Variants in CYBC1 observed in about 807,000 individuals in gnomAD.
The protein encoded by CYBC1 is essential for reactive oxygen species protein.
A neutral mutation model predicts 21.7 loss-of-function variants in CYBC1; 22 were observed. The observed-to-expected ratio is 1.02, with a 90% confidence interval of 0.73 to 1.45. CYBC1 has a LOEUF of 1.45. CYBC1 is among the 40% of genes most tolerant of loss of function. CYBC1 has a pLI of 0.00. For missense variants in CYBC1, 237 were observed against 242.1 expected (o/e 0.98, Z 0.14); for synonymous variants, 112 against 98.7 (o/e 1.13, Z -0.80).
At chr17:82,445,629 G>T in intron 5 of CYBC1, 1 of 460,048 alleles carries the variant, frequency 2.2e-6, no homozygotes, top group Non-Finnish European at 3.9e-6. Flanking sequence ...TCTCCCCAGG[G>T]GCCAAACCTC....
Position 82,444,521 on chromosome 17 carries a change from G to A in CYBC1, c.369C>T (p.Gly123=), listed in dbSNP as rs960259529. Residue 123 remains glycine (G), a synonymous_variant, in exon 6 of 7, where the codon GGC becomes GGT. Transcript: ENST00000306645. Reference sequence around the variant, plus strand: ...TCGCAAGCCGGAGCACCACCATGTAGCCTTTCCCGAAGTACCGGACCTTCT... The same window carrying A: ...TCGCAAGCCGGAGCACCACCATGTAACCTTTCCCGAAGTACCGGACCTTCT... ...EEEKVRYFGK[G]YMVVLRLATG... is the part of the protein sequence containing the mutation. 6.2e-7 allele frequency: 1 copy of A among 1,614,100 alleles called. No homozygotes were observed. The highest frequency in any genetic ancestry group is 1.3e-5 in the African/African-American group (1 of 75,068).
At chr17:82,448,249 T>G (rs1199809571) in intron 2 of CYBC1, 1 of 187,068 alleles carries the variant, frequency 5.3e-6, no homozygotes, top group Non-Finnish European at 1.1e-5. Flanking sequence ...GGAGGCTAAG[T>G]GGACTGTGAG....
chr17:82,443,722 A>G lies in CYBC1; in HGVS notation c.*282T>C. Reference sequence around the variant, plus strand: ...GCAGTGTGCAAGCAGCAGCATGAGCAGGCAATAGGCCAACTCGGCTGGAGG... The same window carrying G: ...GCAGTGTGCAAGCAGCAGCATGAGCGGGCAATAGGCCAACTCGGCTGGAGG... On this transcript the variant is annotated 3_prime_UTR_variant, in exon 7 of 7. Coordinates refer to ENST00000306645, the MANE Select transcript of CYBC1 (RefSeq NM_001033046.4). The surrounding 1 kb of genome is among the most constrained non-coding windows in gnomAD (Gnocchi z 6.7). 1 of 784,146 alleles carries G rather than the reference A, an allele frequency of 1.3e-6. No individual in the cohort carries two copies. The highest frequency in any genetic ancestry group is 2.3e-6 in the Non-Finnish European group (1 of 435,372). The allele number at this position is 784,146 out of a possible 1,614,324, so 48.6% of individuals were successfully genotyped here.
At chr17:82,446,846 C>T in intron 3 of CYBC1, 150 bp from the exon 4 acceptor site, 1 of 701,004 alleles carries the variant, frequency 1.4e-6, no homozygotes, top group Non-Finnish European at 2.4e-6. Flanking sequence ...CCTGCCCTGG[C>T]CACTCAGGAC....
Sources: allele counts gnomAD v4.1 joint callset, GRCh38; gene constraint gnomAD v4.1.1; non-coding constraint Gnocchi (gnomAD v3.1); transcripts MANE v1.5; gene names NCBI Gene and HGNC (gene_info 2026-07-23, HGNC 2026-07-21).